VAV2: variants seen among roughly 807,000 people sequenced by gnomAD.
VAV2 encodes the protein vav guanine nucleotide exchange factor 2.
In VAV2, 67 loss-of-function variants were observed where a neutral mutation model predicts 132.5. That is an observed-to-expected ratio of 0.51 (90% CI 0.42 to 0.62). The LOEUF (loss-of-function observed/expected upper bound fraction) is 0.62. Ranked by LOEUF, VAV2 falls within the 20% of genes least tolerant of loss-of-function variation. The probability of loss-of-function intolerance (pLI) is 0.00; values close to 1 mark genes in which losing one functional copy is unlikely to be tolerated. For synonymous variants in VAV2, 492 were observed against 443.5 expected (o/e 1.11, Z -1.37); for missense variants, 938 against 1,153.6 (o/e 0.81, Z 2.71).
At chr9:133,959,589 G>T (rs1336916440) in intron 1 of VAV2, among the ~76,000 whole-genome samples, 1 of 152,224 alleles carries the variant, frequency 6.6e-6, no homozygotes, top group South Asian at 2.1e-4. Context: ...GCAGTGCAGA[G>T]GCTGGACTGT....
At chr9:133,890,084 G>A (rs766856112) in intron 2 of VAV2, among the ~76,000 whole-genome samples, 2 of 152,176 alleles carry the variant, frequency 1.3e-5, no homozygotes, top group African/African-American at 4.8e-5. Context: ...ATGGTGACTC[G>A]CAGGGGCTGA....
intron 11 of VAV2, among the ~76,000 whole-genome samples, chr9:133,796,048 A>G (rs535079684): frequency 3.3e-5 from 5 of 152,336 alleles, no homozygotes; most frequent in African/African-American, 7.2e-5. Context: ...AGGGCCTCGC[A>G]AGGTGCCGGG....
chr9:133,979,708 C>T (rs1303658915), intron 1 of VAV2, among the ~76,000 whole-genome samples: 1 of 152,236 alleles, frequency 6.6e-6, no homozygotes, highest in African/African-American at 2.4e-5. Context: ...CTCCTGCTGT[C>T]AGCCTGCTGA....
rs897468460 is a variant in VAV2 at position 133,833,484 on chromosome 9, C to T, written c.449+788G>A. ...AACAGCTCCAGAGGCCCCCAGGCAGCAAGGATGCCCGAAGGCACCATCTCC... is the reference window on the plus strand; with the variant it reads ...AACAGCTCCAGAGGCCCCCAGGCAGTAAGGATGCCCGAAGGCACCATCTCC... On this transcript the variant is annotated intron_variant, in intron 4 of 29. Transcript: ENST00000371850. This position sits in a 1 kb window ranked among gnomAD's most constrained non-coding sequence, Gnocchi z 5.6. Among the ~76,000 whole-genome samples, 8 of 152,192 alleles carry T rather than the reference C, an allele frequency of 5.3e-5. No individual in the cohort carries two copies. The highest frequency in any genetic ancestry group is 1.9e-4 in the African/African-American group (8 of 41,460).
At chr9:133,917,372 G>A (rs1840130448) in intron 2 of VAV2, among the ~76,000 whole-genome samples, 1 of 151,006 alleles carries the variant, frequency 6.6e-6, no homozygotes, top group African/African-American at 2.5e-5. Context: ...ATGGTGGAAT[G>A]TCAAGCTGAA....
chr9:133,848,584 G>A lies in VAV2; in HGVS notation c.380+12790C>T, dbSNP rs138113556. 2.2e-4 allele frequency among the ~76,000 whole-genome samples: 34 copies of A among 152,376 alleles called. No individual in the cohort carries two copies. In the East Asian group the frequency reaches 4.2e-3, roughly 19 times the overall value. Reference sequence around the variant, plus strand: ...CAACCAGCAAGGGCACCAGATGGCCGATCCCAGGGTTCCTTCCTCTCTTGT... The same window carrying A: ...CAACCAGCAAGGGCACCAGATGGCCAATCCCAGGGTTCCTTCCTCTCTTGT... On this transcript the variant is annotated intron_variant, in intron 3 of 29. Coordinates refer to ENST00000371850, the MANE Select transcript of VAV2 (RefSeq NM_001134398.2).
intron 9 of VAV2, among the ~76,000 whole-genome samples, chr9:133,805,831 T>A (rs901598540): frequency 6.6e-6 from 1 of 152,072 alleles, no homozygotes; most frequent in South Asian, 2.1e-4. Flanking sequence ...TCACAGCCAG[T>A]TAGAAACATC....
At chr9:133,807,128 G>A (rs929251094) in intron 8 of VAV2, 130 bp downstream of exon 8, 14 of 1,078,912 alleles carry the variant, frequency 1.3e-5, no homozygotes, top group Middle Eastern at 3.2e-4. Flanking sequence ...TCCTCCTTCC[G>A]GCCAGCACGA....
At chr9:133,951,964 T>G (rs1169966859) in intron 1 of VAV2, among the ~76,000 whole-genome samples, 2 of 152,032 alleles carry the variant, frequency 1.3e-5, no homozygotes, top group Non-Finnish European at 2.9e-5. Context: ...TCCAGTGGCT[T>G]CTCCTTGTAC....
intron 13 of VAV2, 69 bp downstream of exon 13, chr9:133,791,714 G>T: frequency 2.2e-6 from 3 of 1,368,432 alleles, no homozygotes; most frequent in Non-Finnish European, 2.1e-6. Flanking sequence ...CAATACTGGG[G>T]CTGTGAACGT....
chr9:133,795,597 C>A lies in VAV2; in HGVS notation c.1101+71G>T, dbSNP rs374111760. On this transcript the variant is annotated intron_variant, in intron 12 of 29. Transcript: ENST00000371850. ...GTCAAAACTGAGGCTCGTTAATGAG[C>A]CCAATTCCAGTCCAAGAACACGGGC... 1.6e-5 allele frequency: 26 copies of A among 1,576,102 alleles called. No individual in the cohort carries two copies. The Middle Eastern group carries it at 5.0e-4, about 30-fold the overall frequency.
chr9:133,799,212 C>T (rs1051485200), intron 9 of VAV2, among the ~76,000 whole-genome samples: 2 of 152,184 alleles, frequency 1.3e-5, no homozygotes, highest in Non-Finnish European at 2.9e-5. Flanking sequence ...GGAGCATGTC[C>T]CTTTGGAGCT....
chr9:133,890,492 C>A (rs1472223947), intron 2 of VAV2, among the ~76,000 whole-genome samples: 3 of 152,158 alleles, frequency 2.0e-5, no homozygotes, highest in Non-Finnish European at 4.4e-5. Context: ...GGGGCCACGG[C>A]TCTCCCTAGC....
At chr9:133,893,760 G>C (rs1043243552) in intron 2 of VAV2, among the ~76,000 whole-genome samples, 1 of 152,146 alleles carries the variant, frequency 6.6e-6, no homozygotes, top group Non-Finnish European at 1.5e-5. Context: ...CCACAGCCGC[G>C]ATGACCGAGG....
At chr9:133,820,402 C>A (rs1012002747) in intron 4 of VAV2, among the ~76,000 whole-genome samples, 1 of 151,560 alleles carries the variant, frequency 6.6e-6, no homozygotes, top group African/African-American at 2.4e-5. Context: ...CGGCTCACTG[C>A]AGGCTCTGCC....
chr9:133,780,500 C>T (rs1282485785), intron 20 of VAV2, among the ~76,000 whole-genome samples, 194 bp downstream of exon 20: 3 of 152,092 alleles, frequency 2.0e-5, no homozygotes, highest in South Asian at 2.1e-4. Flanking sequence ...CGGAAGACAC[C>T]GCTGGGGCCC....
At chr9:133,982,271 G>T (rs375884101) in intron 1 of VAV2, among the ~76,000 whole-genome samples, 2,937 of 152,306 alleles carry the variant, frequency 0.019, 91 homozygotes, top group African/African-American at 0.067. Context: ...GGCGACGGCC[G>T]GCCGGCAGGA....
At chr9:133,882,290 T>C (rs1052092678) in intron 2 of VAV2, among the ~76,000 whole-genome samples, 7 of 152,262 alleles carry the variant, frequency 4.6e-5, no homozygotes, top group African/African-American at 4.8e-5. Flanking sequence ...GCACAGACCC[T>C]GTCCGCTCAG....
intron 17 of VAV2, among the ~76,000 whole-genome samples, chr9:133,784,704 C>A (rs1168021337): frequency 6.6e-6 from 1 of 152,142 alleles, no homozygotes; most frequent in Non-Finnish European, 1.5e-5. Flanking sequence ...TGGATGTGGG[C>A]AGGTGTGGGT....
Sources: allele counts gnomAD v4.1 joint callset (sites outside exome capture counted in the v4.1 genomes callset), GRCh38; gene constraint gnomAD v4.1.1; non-coding constraint Gnocchi (gnomAD v3.1); transcripts MANE v1.5; gene names NCBI Gene and HGNC (gene_info 2026-07-23, HGNC 2026-07-21).